The following SUGP2 variants were observed in gnomAD, a reference collection of about 807,000 sequenced individuals.
The protein encoded by SUGP2 is SURP and G-patch domain containing 2.
In SUGP2, 24 loss-of-function variants were observed where a neutral mutation model predicts 90.5. That is an observed-to-expected ratio of 0.27 (90% confidence interval 0.19 to 0.37). SUGP2 has a LOEUF of 0.37. SUGP2 is among the 10% of genes least tolerant of loss of function. The pLI is 1.00. For synonymous variants in SUGP2, 473 were observed against 513.4 expected (o/e 0.92, Z 1.06); for missense variants, 1,233 against 1,363.3 (o/e 0.90, Z 1.51).
intron 2 of SUGP2, among the ~76,000 whole-genome samples, chr19:19,027,636 C>CT (rs923884609): frequency 3.9e-4 from 57 of 144,788 alleles, no homozygotes; most frequent in East Asian, 4.0e-4. Context: ...TTTTTTTTTT[C>CT]TTTTTTTTTT....
Position 19,019,203 on chromosome 19 carries a change from C to T in SUGP2, c.1756G>A (p.Val586Ile), listed in dbSNP as rs1209967390. The T allele has an allele frequency of 2.5e-6, 4 of 1,613,854 alleles. No individual in the cohort carries two copies. The highest frequency in any genetic ancestry group is 3.3e-5 in the Admixed American group (2 of 59,998). The stretch of plus-strand genomic sequence containing the variant: ...ACAAGCTGGTCGATGGTGCCCACTA[C>T]CCTGTGATCTGCTCGCTGGGGGACA... ...DAVPQRADHR[V>I]VGTIDQLVKR... Residue 586 changes from valine to isoleucine, a missense_variant, in exon 4 of 11, where the codon GTA (valine) becomes ATA (isoleucine). Physicochemically the swap from Val to Ile is conservative, Grantham distance 29. Coordinates refer to ENST00000452918, the MANE Select transcript of SUGP2 (RefSeq NM_001017392.5).
chr19:19,019,973 T>A (rs1233143346), intron 3 of SUGP2, among the ~76,000 whole-genome samples: 13 of 86,724 alleles, frequency 1.5e-4, no homozygotes, highest in African/African-American at 6.1e-4. Flanking sequence ...ATGGTGAAAC[T>A]CCGTCTCTGC....
chr19:19,013,886 A>T (rs1216888885), intron 4 of SUGP2, among the ~76,000 whole-genome samples: 1 of 152,212 alleles, frequency 6.6e-6, no homozygotes, highest in Non-Finnish European at 1.5e-5. Context: ...ATCATTTTCT[A>T]GGCTTGATGC....
Position 19,008,304 on chromosome 19 carries a change from G to C in SUGP2, c.2450+13C>G. On this transcript the variant is annotated intron_variant, in intron 6 of 10. Transcript: ENST00000452918. ...AAAGAAAAAGGTGTGATGAGACCCGGGGGGGTACGTACCACAGGTCAGGGT... is the reference window on the plus strand; with the variant it reads ...AAAGAAAAAGGTGTGATGAGACCCGCGGGGGTACGTACCACAGGTCAGGGT... 1.9e-6 allele frequency: 3 copies of C among 1,595,988 alleles called. No individual in the cohort carries two copies. Among genetic ancestry groups the C allele is most frequent in the Non-Finnish European group, 2.6e-6 (3 of 1,163,498 alleles).
Position 19,031,085 on chromosome 19 carries a change from A to C in SUGP2, c.-11-3T>G, listed in dbSNP as rs1350202176. ...TCTGGCTGCCATGTTATTTTGCCCT[A>C]TGGTGAGAGAGAAAAAAATACACTA... On this transcript the variant is annotated splice_polypyrimidine_tract_variant and splice_region_variant and intron_variant, in intron 1 of 10. Coordinates refer to ENST00000452918, the MANE Select transcript of SUGP2 (RefSeq NM_001017392.5). 5 of 1,607,934 alleles carry C rather than the reference A, an allele frequency of 3.1e-6. No homozygotes were observed. Among genetic ancestry groups the C allele is most frequent in the Non-Finnish European group, 4.2e-6 (5 of 1,178,442 alleles).
intron 2 of SUGP2, among the ~76,000 whole-genome samples, chr19:19,029,023 G>A (rs1308475742): frequency 6.6e-6 from 1 of 152,082 alleles, no homozygotes; most frequent in Non-Finnish European, 1.5e-5. Context: ...CTTTGGCCCA[G>A]GCTGGAGTAT....
chr19:19,002,574 T>C (rs1300069744), intron 7 of SUGP2, among the ~76,000 whole-genome samples: 1 of 139,134 alleles, frequency 7.2e-6, no homozygotes, highest in Non-Finnish European at 1.5e-5. Flanking sequence ...AGTGCAGTGG[T>C]GTGATCTCAG....
chr19:19,026,980 T>C (rs1035122270), intron 2 of SUGP2, among the ~76,000 whole-genome samples: 1 of 152,072 alleles, frequency 6.6e-6, no homozygotes, highest in African/African-American at 2.4e-5. Flanking sequence ...TCCTTCTCCA[T>C]GTAGAAAAGG....
intron 3 of SUGP2, among the ~76,000 whole-genome samples, chr19:19,021,109 A>G (rs2058708296): frequency 6.8e-6 from 1 of 147,836 alleles, no homozygotes; most frequent in Non-Finnish European, 1.5e-5. Context: ...CGGTGAGCCG[A>G]GATCATGCCA....
At chr19:19,001,730 T>G in intron 7 of SUGP2, 56 bp from the exon 8 acceptor site, 1 of 1,568,314 alleles carries the variant, frequency 6.4e-7, no homozygotes, top group Non-Finnish European at 8.8e-7. Context: ...CTAAATTACT[T>G]AGAGACTGAA....
At chr19:19,015,126 C>T (rs139492114) in intron 4 of SUGP2, among the ~76,000 whole-genome samples, 2 of 151,808 alleles carry the variant, frequency 1.3e-5, no homozygotes, top group Non-Finnish European at 2.9e-5. Flanking sequence ...GGTGTGAACC[C>T]GGGAGGCAGA....
intron 2 of SUGP2, 51 bp from the exon 3 acceptor site, chr19:19,026,277 G>A: frequency 6.9e-7 from 1 of 1,454,052 alleles, no homozygotes; most frequent in Non-Finnish European, 9.0e-7. Flanking sequence ...AGATACTTTA[G>A]ACCAGAGAAT....
intron 2 of SUGP2, among the ~76,000 whole-genome samples, 196 bp from the exon 3 acceptor site, chr19:19,026,422 C>G (rs1392170170): frequency 6.6e-6 from 1 of 152,170 alleles, no homozygotes; most frequent in Non-Finnish European, 1.5e-5. Flanking sequence ...TCTGGATCGA[C>G]TACTTACTAA....
chr19:19,025,768 C>A lies in SUGP2; in HGVS notation c.580G>T (p.Asp194Tyr). ...LEKESRDYDV[D>Y]HPGEADSVLR... ...ACAGAGTCAGCCTCCCCAGGATGGTCCACGTCATAATCCCGACTCTCCTTC... is the reference window on the plus strand; with the variant it reads ...ACAGAGTCAGCCTCCCCAGGATGGTACACGTCATAATCCCGACTCTCCTTC... The change falls in exon 3 of 11, where the codon GAC becomes TAC. Residue 194 changes from aspartate to tyrosine, a missense_variant. By Grantham distance (160) the Asp-to-Tyr change is radical. Around this residue, in one of 8 missense-constraint regions of SUGP2, gnomAD observed 418 missense variants for 399.9 expected, o/e 1.05. Coordinates refer to ENST00000452918, the MANE Select transcript of SUGP2 (RefSeq NM_001017392.5). The A allele has an allele frequency of 6.2e-7, 1 of 1,613,986 alleles. No homozygotes were observed. The highest frequency in any genetic ancestry group is 8.5e-7 in the Non-Finnish European group (1 of 1,179,984).
intron 4 of SUGP2, among the ~76,000 whole-genome samples, chr19:19,011,023 G>C (rs2058291572): frequency 6.6e-6 from 1 of 151,284 alleles, no homozygotes; most frequent in Non-Finnish European, 1.5e-5. Flanking sequence ...TATAGTCCCA[G>C]CTACTCTGGA....
At position 19,010,342 on chromosome 19, in the gene SUGP2, C is replaced by T; in HGVS notation, c.1851G>A (p.Trp617Ter). 1 of 1,606,814 alleles carries T rather than the reference C, an allele frequency of 6.2e-7. No homozygotes were observed. The highest frequency in any genetic ancestry group is 8.5e-7 in the Non-Finnish European group (1 of 1,177,294). The change falls in exon 5 of 11, where the codon TGG (tryptophan) becomes TGA (stop). Residue 617 changes from tryptophan (W) to a stop codon, truncating the protein, a stop_gained and splice_region_variant. Coordinates refer to ENST00000452918, the MANE Select transcript of SUGP2 (RefSeq NM_001017392.5). LOFTEE classifies it high-confidence loss of function. ...RTLLKEDPAY[W>*]FLSDENSLEY... ...CCAGACTATTTTCATCAGACAAAAACCTAGATAACAAAACAAGCATAACGG... is the reference window on the plus strand; with the variant it reads ...CCAGACTATTTTCATCAGACAAAAATCTAGATAACAAAACAAGCATAACGG...
rs559478719 is a variant in SUGP2, at chr19:19,000,172, G to A, written c.2991+1441C>T. Among the ~76,000 whole-genome samples the A allele has an allele frequency of 8.5e-5, 13 of 152,296 alleles. No individual in the cohort carries two copies. The East Asian group carries it at 2.3e-3, about 27-fold the overall frequency. On this transcript the variant is annotated intron_variant, in intron 8 of 10. Coordinates refer to ENST00000452918, the MANE Select transcript of SUGP2 (RefSeq NM_001017392.5). ...GTGTGACCACCCCCCGGATTCCTCTGCTGCCACAAAGGCCTCTTGCTGCCC... is the reference window on the plus strand; with the variant it reads ...GTGTGACCACCCCCCGGATTCCTCTACTGCCACAAAGGCCTCTTGCTGCCC...
intron 3 of SUGP2, among the ~76,000 whole-genome samples, chr19:19,023,373 G>T (rs2058801542): frequency 6.6e-6 from 1 of 152,138 alleles, no homozygotes; most frequent in African/African-American, 2.4e-5. Context: ...CTGGAGTGCG[G>T]TGGCTATTCA....
intron 8 of SUGP2, among the ~76,000 whole-genome samples, chr19:19,001,294 G>A: frequency 6.6e-6 from 1 of 152,184 alleles, no homozygotes; most frequent in East Asian, 1.9e-4. Flanking sequence ...GGGATTACAG[G>A]CGTGAGCCAC....
Sources: gnomAD v4.1 joint callset for allele counts (sites outside exome capture counted in the v4.1 genomes callset) on GRCh38, gnomAD v4.1.1 for gene constraint, gnomAD v4.1.1 regional missense constraint, MANE v1.5 for transcripts, NCBI Gene and HGNC (gene_info 2026-07-23, HGNC 2026-07-21) for gene names.